The following AP1S3 variants were observed in gnomAD, a reference collection of about 807,000 sequenced individuals.
The protein encoded by AP1S3 is adaptor related protein complex 1 subunit sigma 3.
AP1S3 carries 10 observed loss-of-function variants against 20.9 expected under a neutral mutation model. That is an observed-to-expected ratio of 0.48 (90% confidence interval 0.29 to 0.81). The LOEUF is 0.81. Among genes scored for constraint, AP1S3 ranks in the 30% least tolerant of loss-of-function variants. The pLI, the probability that AP1S3 is intolerant of heterozygous loss-of-function variation, is 0.08. For missense variants in AP1S3, 154 were observed against 183.8 expected (o/e 0.84, Z 0.94); for synonymous variants, 41 against 61.5 (o/e 0.67, Z 1.56).
chr2:223,758,163 A>C lies in AP1S3; in HGVS notation c.*552T>G. On this transcript the variant is annotated 3_prime_UTR_variant, in exon 5 of 5. Coordinates refer to ENST00000396654, the MANE Select transcript of AP1S3 (RefSeq NM_001039569.2). ...AATTCTAAAAAAAATAAATGAATTC[A>C]GCACATTAAAATCAGACATTTTGTA... 1.0e-6 allele frequency: 1 copy of C among 980,492 alleles called. No homozygotes were observed. Among genetic ancestry groups the C allele is most frequent in the Non-Finnish European group, 1.2e-6 (1 of 825,022 alleles). The allele number at this position is 980,492 out of a possible 1,614,324, so 60.7% of individuals were successfully genotyped here.
chr2:223,831,993 C>T (rs983999154), intron 1 of AP1S3, among the ~76,000 whole-genome samples: 7 of 151,538 alleles, frequency 4.6e-5, no homozygotes, highest in Admixed American at 6.6e-5. Flanking sequence ...AGGAGAATGG[C>T]GTGAACCCGG....
At chr2:223,777,899 T>A in intron 1 of AP1S3, 30 bp from the exon 2 acceptor site, 3 of 1,585,120 alleles carry the variant, frequency 1.9e-6, no homozygotes, top group Non-Finnish European at 2.6e-6. Context: ...AAACAGAACC[T>A]GATCAACCAA....
chr2:223,794,663 C>T (rs762979192), intron 1 of AP1S3, among the ~76,000 whole-genome samples: 4 of 152,114 alleles, frequency 2.6e-5, no homozygotes, highest in Non-Finnish European at 5.9e-5. Flanking sequence ...CACGACTTGT[C>T]GGAGCACTCA....
At chr2:223,765,781 T>C (rs1448318994) in intron 3 of AP1S3, among the ~76,000 whole-genome samples, 5 of 152,308 alleles carry the variant, frequency 3.3e-5, no homozygotes, top group Middle Eastern at 3.4e-3. Flanking sequence ...AGCTCAACTG[T>C]GCTAATTTTT....
intron 1 of AP1S3, among the ~76,000 whole-genome samples, chr2:223,812,788 T>C (rs1480815414): frequency 3.3e-5 from 5 of 152,090 alleles, no homozygotes; most frequent in African/African-American, 1.2e-4. Flanking sequence ...TGTTCAGTAG[T>C]AGAGGGAGAG....
chr2:223,823,890 A>C (rs1692054948), intron 1 of AP1S3, among the ~76,000 whole-genome samples: 1 of 152,198 alleles, frequency 6.6e-6, no homozygotes, highest in African/African-American at 2.4e-5. Flanking sequence ...AGTTTTTAAA[A>C]ACAGATTTAA....
chr2:223,798,951 A>G (rs150854389), intron 1 of AP1S3, among the ~76,000 whole-genome samples: 3,077 of 152,244 alleles, frequency 0.02, 55 homozygotes, highest in Middle Eastern at 0.034. Context: ...TGGTACCTGT[A>G]ATCTCACCTA....
chr2:223,835,546 T>G (rs1692375881), intron 1 of AP1S3, among the ~76,000 whole-genome samples: 3 of 152,038 alleles, frequency 2.0e-5, no homozygotes, highest in Admixed American at 1.3e-4. Flanking sequence ...TCCCAGCTAC[T>G]TAGGAGGCTG....
rs1435574088 is a variant in AP1S3 at position 223,763,953 on chromosome 2, G to A, written c.429+1260C>T. On this transcript the variant is annotated intron_variant, in intron 4 of 4. Transcript: ENST00000396654. ...TTTATTTATTTTGAGATGGAGTCTC[G>A]CTCTGTCACCCAGGTGGTGCTGTGG... is the stretch of plus-strand genomic sequence containing the variant. Among the ~76,000 whole-genome samples, 3 of 152,066 alleles carry A rather than the reference G, an allele frequency of 2.0e-5. No homozygotes were observed. The South Asian group carries it at 6.2e-4, about 32-fold the overall frequency.
chr2:223,828,295 CTTTTT>C (rs775000674), intron 1 of AP1S3, among the ~76,000 whole-genome samples: 3 of 131,386 alleles, frequency 2.3e-5, no homozygotes, highest in Non-Finnish European at 1.6e-5. Context: ...TCCTCTCTCT[CTTTTT>C]TTTTTTTTTT....
intron 2 of AP1S3, among the ~76,000 whole-genome samples, chr2:223,776,455 C>A (rs111673859): frequency 1.3e-3 from 198 of 152,334 alleles, no homozygotes; most frequent in Non-Finnish European, 2.3e-3. Context: ...CAAACTCCAA[C>A]CTTGGGCCCA....
Position 223,786,912 on chromosome 2 carries a change from C to CA in AP1S3, c.4-9044dup, listed in dbSNP as rs1297552131. Among the ~76,000 whole-genome samples, 791 of 146,576 alleles carry CA rather than the reference C, an allele frequency of 5.4e-3. 9 individuals are homozygous for CA. Among genetic ancestry groups the CA allele is most frequent in the African/African-American group, 0.016 (644 of 40,074 alleles). On this transcript the variant is annotated intron_variant, in intron 1 of 4. Coordinates refer to ENST00000396654, the MANE Select transcript of AP1S3 (RefSeq NM_001039569.2). ...AAAGTGAGACCCTGTCTCAAAAAAACAAAAAAAAAAGAAGTGATATGGTTT... is the reference window on the plus strand; with the variant it reads ...AAAGTGAGACCCTGTCTCAAAAAAACAAAAAAAAAAAGAAGTGATATGGTTT...
At chr2:223,830,154 G>A (rs750222632) in intron 1 of AP1S3, among the ~76,000 whole-genome samples, 2 of 151,838 alleles carry the variant, frequency 1.3e-5, no homozygotes, top group East Asian at 1.9e-4. Flanking sequence ...TTTTGCATCC[G>A]GGAGCCAAAT....
chr2:223,786,211 G>A (rs1435872838), intron 1 of AP1S3, among the ~76,000 whole-genome samples: 5 of 152,194 alleles, frequency 3.3e-5, no homozygotes, highest in South Asian at 2.1e-4. Context: ...TATGCATAGC[G>A]AAAACAATCA....
intron 1 of AP1S3, among the ~76,000 whole-genome samples, chr2:223,815,671 ATG>A (rs1430656949): frequency 3.3e-5 from 5 of 152,260 alleles, no homozygotes; most frequent in Admixed American, 6.5e-5. Flanking sequence ...AACTGTTCTT[ATG>A]CATACAGTAC....
intron 1 of AP1S3, among the ~76,000 whole-genome samples, chr2:223,780,669 G>A (rs1001989729): frequency 1.3e-5 from 2 of 151,414 alleles, no homozygotes; most frequent in Non-Finnish European, 2.9e-5. Flanking sequence ...AGGCTCAAGC[G>A]ATCCTCCCAC....
intron 1 of AP1S3, among the ~76,000 whole-genome samples, chr2:223,835,687 T>G (rs1031476966): frequency 2.0e-5 from 3 of 152,140 alleles, no homozygotes; most frequent in African/African-American, 7.2e-5. Context: ...TGTTTCCCAT[T>G]TAGCAAAAAC....
intron 1 of AP1S3, among the ~76,000 whole-genome samples, chr2:223,827,707 TTAAA>T (rs1220239140): frequency 1.3e-5 from 2 of 151,922 alleles, no homozygotes; most frequent in Admixed American, 6.6e-5. Context: ...TTTCATCAGT[TTAAA>T]TAAATTTCTC....
intron 1 of AP1S3, among the ~76,000 whole-genome samples, chr2:223,815,377 C>A (rs1397178282): frequency 6.6e-6 from 1 of 151,908 alleles, no homozygotes; most frequent in Non-Finnish European, 1.5e-5. Context: ...TGGATGCAAT[C>A]CAAGGAAAGC....
Sources: allele counts gnomAD v4.1 joint callset (sites outside exome capture counted in the v4.1 genomes callset), GRCh38; gene constraint gnomAD v4.1.1; transcripts MANE v1.5; gene names NCBI Gene and HGNC (gene_info 2026-07-23, HGNC 2026-07-21).